LARP1: variants seen among roughly 807,000 people sequenced by gnomAD.
LARP1 encodes la-related protein 1.
In LARP1, 36 loss-of-function variants were observed where a neutral mutation model predicts 122.7. That is an observed-to-expected ratio of 0.29 (90% CI 0.22 to 0.39). LARP1 has a LOEUF of 0.39. LARP1 is among the 10% of genes least tolerant of loss of function. The probability of loss-of-function intolerance (pLI) is 1.00; values close to 1 mark genes in which losing one functional copy is unlikely to be tolerated. For missense variants in LARP1, 1,040 were observed against 1,403.6 expected (o/e 0.74, Z 4.14); for synonymous variants, 539 against 528.7 (o/e 1.02, Z -0.27).
intron 8 of LARP1, among the ~76,000 whole-genome samples, chr5:154,798,563 C>T (rs923938524): frequency 1.3e-5 from 2 of 152,076 alleles, no homozygotes; most frequent in African/African-American, 4.8e-5. Flanking sequence ...GCTCTTTTGC[C>T]CAGGCTGGAG....
chr5:154,762,877 G>C (rs1439696367), intron 1 of LARP1, among the ~76,000 whole-genome samples: 1 of 152,108 alleles, frequency 6.6e-6, no homozygotes, highest in African/African-American at 2.4e-5. Flanking sequence ...GAGCCATCTA[G>C]ATAAATGATC....
rs1181560313 is a variant in LARP1 at position 154,802,154 on chromosome 5, A to T, written c.1864A>T (p.Thr622Ser). ...EMEQMDGRKN[T>S]FTAWSDEESD... ...GGAGCAGATGGATGGGCGGAAGAAC[A>T]CCTTCACTGCCTGGTCTGATGAGGA... The change falls in exon 11 of 19, where the codon ACC (threonine) becomes TCC (serine). Residue 622 changes from threonine to serine, a missense_variant. Thr to Ser is a moderately conservative substitution (Grantham distance 58). Around this residue, in one of 8 missense-constraint regions of LARP1, gnomAD observed 362 missense variants for 533.1 expected, o/e 0.68. Transcript: ENST00000518297. The surrounding 1 kb of genome is among the most constrained non-coding windows in gnomAD (Gnocchi z 5.1). The T allele has an allele frequency of 1.9e-6, 3 of 1,614,086 alleles. No individual in the cohort carries two copies. Among genetic ancestry groups the T allele is most frequent in the South Asian group, 1.1e-5 (1 of 91,074 alleles).
intron 8 of LARP1, among the ~76,000 whole-genome samples, chr5:154,798,297 G>GAA (rs1250710544): frequency 2.0e-5 from 3 of 152,050 alleles, no homozygotes; most frequent in African/African-American, 7.2e-5. Context: ...TTCCATTTAA[G>GAA]AAAAAAGCAA....
intron 1 of LARP1, among the ~76,000 whole-genome samples, chr5:154,759,502 G>T (rs1754272593): frequency 6.6e-6 from 1 of 152,160 alleles, no homozygotes; most frequent in Non-Finnish European, 1.5e-5. Context: ...AATGTGGTGA[G>T]ATGAATTTTA....
At chr5:154,703,340 T>G (rs1754809827) in intron 1 of LARP1, among the ~76,000 whole-genome samples, 1 of 152,170 alleles carries the variant, frequency 6.6e-6, no homozygotes, top group Admixed American at 6.5e-5. Flanking sequence ...TGGGAATGGG[T>G]CAGCACCTAG....
At chr5:154,773,304 A>G (rs1156594686) in intron 1 of LARP1, among the ~76,000 whole-genome samples, 1 of 152,174 alleles carries the variant, frequency 6.6e-6, no homozygotes, top group Non-Finnish European at 1.5e-5. Flanking sequence ...ATTTAGAAAC[A>G]TAGGCTTTCA....
At chr5:154,698,824 A>G (rs1459503767) in intron 1 of LARP1, among the ~76,000 whole-genome samples, 2 of 152,206 alleles carry the variant, frequency 1.3e-5, no homozygotes, top group Non-Finnish European at 2.9e-5. Flanking sequence ...TGCAGTTGAC[A>G]AAAATATGCC....
intron 1 of LARP1, among the ~76,000 whole-genome samples, chr5:154,729,919 C>A (rs750727782): frequency 1.1e-4 from 17 of 152,290 alleles, no homozygotes; most frequent in Admixed American, 2.6e-4. Context: ...TCTTGGACCT[C>A]TAGTCCAAGT....
intron 8 of LARP1, among the ~76,000 whole-genome samples, chr5:154,796,348 C>G (rs777036037): frequency 1.6e-4 from 24 of 150,784 alleles, no homozygotes; most frequent in Admixed American, 7.4e-4. Flanking sequence ...AGGACCCTGT[C>G]TCTACAAAAA....
At chr5:154,715,259 C>CCT (rs1257144635) in intron 1 of LARP1, among the ~76,000 whole-genome samples, 4 of 132,092 alleles carry the variant, frequency 3.0e-5, no homozygotes, top group African/African-American at 1.2e-4. Context: ...CTGGGGCAAG[C>CCT]CTCTCTTTTT....
chr5:154,756,401 C>T (rs974336834), intron 1 of LARP1: 28 of 994,858 alleles, frequency 2.8e-5, no homozygotes, highest in Non-Finnish European at 3.2e-5. Context: ...GGCCCGGCCT[C>T]CGGGAGGCTA....
chr5:154,755,284 T>C (rs1019948750), upstream of LARP1, among the ~76,000 whole-genome samples: 1 of 145,788 alleles, frequency 6.9e-6, no homozygotes, highest in Non-Finnish European at 1.5e-5. Context: ...CGCCGTCCCC[T>C]CCCCTCGCCC....
At chr5:154,772,109 TATA>T (rs1425198608) in intron 1 of LARP1, among the ~76,000 whole-genome samples, 2 of 152,138 alleles carry the variant, frequency 1.3e-5, no homozygotes, top group African/African-American at 4.8e-5. Context: ...CACATATAAA[TATA>T]ATAAGCATTG....
chr5:154,800,109 A>G, intron 10 of LARP1, 67 bp downstream of exon 10: 2 of 1,431,260 alleles, frequency 1.4e-6, no homozygotes, highest in South Asian at 1.2e-5. Flanking sequence ...AGGGGATAAC[A>G]CATGGGCACA....
intron 1 of LARP1, among the ~76,000 whole-genome samples, chr5:154,697,558 A>G (rs999123773): frequency 1.3e-5 from 2 of 152,228 alleles, no homozygotes; most frequent in African/African-American, 2.4e-5. Flanking sequence ...GTAGATTCAT[A>G]CATTGGAATG....
chr5:154,709,375 G>T (rs1319164541), upstream of LARP1, among the ~76,000 whole-genome samples: 1 of 152,164 alleles, frequency 6.6e-6, no homozygotes, highest in African/African-American at 2.4e-5. Context: ...CCTCCATGTG[G>T]TGAAGCAGTT....
chr5:154,804,333 G>A (rs752453865), intron 14 of LARP1, 26 bp downstream of exon 14: 2 of 1,554,548 alleles, frequency 1.3e-6, no homozygotes, highest in Admixed American at 1.7e-5. Context: ...GGGGAAGAGT[G>A]ATCAGGCTGC....
chr5:154,698,943 A>G (rs1410405560), intron 1 of LARP1, among the ~76,000 whole-genome samples: 3 of 152,248 alleles, frequency 2.0e-5, no homozygotes, highest in Admixed American at 1.3e-4. Context: ...AATTCAGTCA[A>G]TAATTCCTGA....
At chr5:154,751,901 A>G (rs1377173200), upstream of LARP1, among the ~76,000 whole-genome samples, 1 of 152,186 alleles carries the variant, frequency 6.6e-6, no homozygotes, top group Non-Finnish European at 1.5e-5. Flanking sequence ...TTAGAAATAT[A>G]TGCATATAAA....
Sources: gnomAD v4.1 joint callset for allele counts (sites outside exome capture counted in the v4.1 genomes callset) on GRCh38, gnomAD v4.1.1 for gene constraint, gnomAD v4.1.1 regional missense constraint, Gnocchi (gnomAD v3.1) non-coding constraint, MANE v1.5 for transcripts, NCBI Gene and HGNC (gene_info 2026-07-23, HGNC 2026-07-21) for gene names.